The following MORN4 variants were observed in gnomAD, a reference collection of about 807,000 sequenced individuals.
The protein encoded by MORN4 is MORN repeat-containing protein 4.
MORN4 carries 8 observed loss-of-function variants against 16.4 expected under a neutral mutation model. The ratio of observed to expected loss-of-function variants is 0.49; its 90% CI spans 0.29 to 0.88. The LOEUF (loss-of-function observed/expected upper bound fraction) is 0.88. Among genes scored for constraint, MORN4 ranks in the 40% least tolerant of loss-of-function variants. The pLI, the probability that MORN4 is intolerant of heterozygous loss-of-function variation, is 0.09. For missense variants in MORN4, 159 were observed against 182.9 expected, an observed-to-expected ratio of 0.87 and a Z score of 0.75; for synonymous variants, 53 against 68.9, an observed-to-expected ratio of 0.77 and a Z score of 1.14.
intron 1 of MORN4, among the ~76,000 whole-genome samples, chr10:97,621,437 C>T (rs7899773): frequency 0.32 from 48,207 of 152,032 alleles, 9,598 homozygotes; most frequent in African/African-American, 0.57. Context: ...TGTGGTAGCA[C>T]GAAGTGGGAT....
chr10:97,633,609 T>G, upstream of MORN4: 1 of 1,288,776 alleles, frequency 7.8e-7, no homozygotes, highest in South Asian at 1.2e-5. This position sits in a 1 kb window ranked among gnomAD's most constrained non-coding sequence, Gnocchi z 4.5. Context: ...GCCGAGTGTT[T>G]GCGAACCCGG....
intron 1 of MORN4, among the ~76,000 whole-genome samples, chr10:97,621,394 T>C (rs1173685885): frequency 3.3e-5 from 5 of 152,074 alleles, no homozygotes; most frequent in Admixed American, 3.3e-4. Context: ...TGAACCAGGA[T>C]GTAATATGAA....
chr10:97,616,189 C>A lies in MORN4; in HGVS notation c.*74G>T, dbSNP rs1349456537. ...TTGTCAACTCATCTCAGCTCTGATTCATTTGTTCACCTCGAATCAACAACA... is the reference window on the plus strand; with the variant it reads ...TTGTCAACTCATCTCAGCTCTGATTAATTTGTTCACCTCGAATCAACAACA... On this transcript the variant is annotated 3_prime_UTR_variant, in exon 5 of 5. Transcript: ENST00000307450. The A allele has an allele frequency of 2.1e-6, 3 of 1,428,376 alleles. No individual in the cohort carries two copies. The highest frequency in any genetic ancestry group is 9.3e-7 in the Non-Finnish European group (1 of 1,072,294). The allele number at this position is 1,428,376 out of a possible 1,614,324, so 88.5% of individuals were successfully genotyped here. A position where few individuals can be genotyped will look rare whatever the true frequency, so the allele number is the denominator to read the frequency against.
At chr10:97,628,030 G>A (rs956554288) in intron 1 of MORN4, among the ~76,000 whole-genome samples, 8 of 152,210 alleles carry the variant, frequency 5.3e-5, no homozygotes, top group African/African-American at 1.7e-4. Context: ...ACGCTTTCCA[G>A]TACAGACGGG....
chr10:97,625,798 C>T (rs934963313), intron 1 of MORN4, among the ~76,000 whole-genome samples: 9 of 152,140 alleles, frequency 5.9e-5, no homozygotes, highest in Non-Finnish European at 1.2e-4. Flanking sequence ...GACAGTGTGT[C>T]GCTCTGTTGC....
intron 1 of MORN4, among the ~76,000 whole-genome samples, chr10:97,632,917 C>CTT (rs2041409328): frequency 1.3e-5 from 2 of 152,228 alleles, no homozygotes; most frequent in Admixed American, 1.3e-4. Flanking sequence ...ATTCCCCAGG[C>CTT]TTCCATATGT....
chr10:97,624,911 A>C (rs1274154337), intron 1 of MORN4, among the ~76,000 whole-genome samples: 1 of 152,170 alleles, frequency 6.6e-6, no homozygotes. Flanking sequence ...AGGTGACCTC[A>C]GGTGATCCTG....
chr10:97,628,442 A>G (rs973875935), intron 1 of MORN4, among the ~76,000 whole-genome samples: 1 of 152,190 alleles, frequency 6.6e-6, no homozygotes, highest in Non-Finnish European at 1.5e-5. Flanking sequence ...GAACAGTATA[A>G]GATTGCTGAA....
intron 2 of MORN4, among the ~76,000 whole-genome samples, chr10:97,617,670 G>A (rs944318165): frequency 2.0e-5 from 3 of 152,058 alleles, no homozygotes; most frequent in African/African-American, 7.2e-5. Context: ...GACCAGCCTG[G>A]CCAACATGGT....
chr10:97,619,278 T>C (rs952520151), intron 2 of MORN4: 5 of 459,556 alleles, frequency 1.1e-5, no homozygotes, highest in African/African-American at 2.0e-5. Context: ...TGAGCTGAGA[T>C]TGCACCACTG....
chr10:97,616,844 G>T (rs965630295), intron 3 of MORN4, 57 bp from the exon 4 acceptor site: 2 of 1,209,128 alleles, frequency 1.7e-6, no homozygotes, highest in South Asian at 1.2e-5. Flanking sequence ...CAGATGAACG[G>T]AGTCGAGCAG....
intron 1 of MORN4, among the ~76,000 whole-genome samples, chr10:97,625,224 A>C (rs181396802): frequency 6.6e-6 from 1 of 152,320 alleles, no homozygotes; most frequent in Non-Finnish European, 1.5e-5. Flanking sequence ...CTTATACCAT[A>C]CTATCCTATC....
At chr10:97,624,849 C>T (rs1189753317) in intron 1 of MORN4, among the ~76,000 whole-genome samples, 4 of 152,146 alleles carry the variant, frequency 2.6e-5, no homozygotes, top group East Asian at 3.8e-4. Flanking sequence ...TGCGCCACCA[C>T]GCCTGGCTAA....
At chr10:97,620,849 G>A (rs1052328888) in intron 1 of MORN4, among the ~76,000 whole-genome samples, 6 of 152,088 alleles carry the variant, frequency 3.9e-5, no homozygotes, top group Non-Finnish European at 5.9e-5. Context: ...TAGGCCGGGC[G>A]TGGTAGCTCA....
At chr10:97,629,715 C>T (rs554243097) in intron 1 of MORN4, among the ~76,000 whole-genome samples, 1 of 152,222 alleles carries the variant, frequency 6.6e-6, no homozygotes, top group Admixed American at 6.5e-5. Context: ...CAAATTCCCT[C>T]ACCCACAGAA....
At chr10:97,616,566 C>A (rs2041238194) in intron 4 of MORN4, 112 bp downstream of exon 4, 1 of 1,225,304 alleles carries the variant, frequency 8.2e-7, no homozygotes, top group Non-Finnish European at 1.2e-6. Context: ...GGATAGGTGT[C>A]AGGGACGGCC....
chr10:97,630,002 G>C (rs2041382213), intron 1 of MORN4, among the ~76,000 whole-genome samples: 1 of 146,826 alleles, frequency 6.8e-6, no homozygotes, highest in Admixed American at 7.0e-5. Context: ...TCAGCTTACT[G>C]CAAGCTCTGC....
chr10:97,626,859 G>A (rs1037585782), intron 1 of MORN4, among the ~76,000 whole-genome samples: 1 of 150,934 alleles, frequency 6.6e-6, no homozygotes, highest in African/African-American at 2.4e-5. Flanking sequence ...CCAGGTTCAA[G>A]CGATTCTCTT....
At chr10:97,619,832 A>G in intron 1 of MORN4, 149 bp from the exon 2 acceptor site, 1 of 588,694 alleles carries the variant, frequency 1.7e-6, no homozygotes, top group Non-Finnish European at 3.0e-6. Flanking sequence ...CCTATCTCCA[A>G]CCACCACCAG....
Sources: allele counts gnomAD v4.1 joint callset (sites outside exome capture counted in the v4.1 genomes callset), GRCh38; gene constraint gnomAD v4.1.1; non-coding constraint Gnocchi (gnomAD v3.1); transcripts MANE v1.5; gene names NCBI Gene and HGNC (gene_info 2026-07-23, HGNC 2026-07-21).